Variants in GRK4 observed in about 807,000 individuals in gnomAD.
GRK4 encodes G protein-coupled receptor kinase 2-like.
GRK4 carries 73 observed loss-of-function variants against 77.9 expected under a neutral mutation model. The ratio of observed to expected loss-of-function variants is 0.94; its 90% CI spans 0.78 to 1.14. The LOEUF (loss-of-function observed/expected upper bound fraction) is 1.14. Ranked by LOEUF, GRK4 falls within the 50% of genes most tolerant of loss-of-function variation. GRK4 has a pLI of 0.00. For synonymous variants in GRK4, 257 were observed against 254.4 expected (o/e 1.01, Z -0.10); for missense variants, 729 against 700.2 (o/e 1.04, Z -0.46).
chr4:3,035,020 G>C (rs1334196937), intron 12 of GRK4, among the ~76,000 whole-genome samples: 2 of 152,118 alleles, frequency 1.3e-5, no homozygotes, highest in African/African-American at 4.8e-5. Flanking sequence ...CACTTTGGGA[G>C]GTCGAGGCGG....
chr4:3,031,371 C>G (rs534970963), intron 12 of GRK4, among the ~76,000 whole-genome samples: 3 of 152,286 alleles, frequency 2.0e-5, no homozygotes, highest in South Asian at 4.1e-4. Flanking sequence ...CAGGGGTTTC[C>G]TCAACAGCAT....
At chr4:3,034,500 A>AGGTCTAGGTCACGTTTCAGG (rs1275690074) in intron 12 of GRK4, among the ~76,000 whole-genome samples, 3 of 152,190 alleles carry the variant, frequency 2.0e-5, no homozygotes, top group African/African-American at 2.4e-5. Flanking sequence ...TCCCAAGCCC[A>AGGTCTAGGTCACGTTTCAGG]GGTCTAGGTC....
At chr4:3,021,021 G>A (rs1735934059) in intron 9 of GRK4, among the ~76,000 whole-genome samples, 1 of 152,108 alleles carries the variant, frequency 6.6e-6, no homozygotes, top group Non-Finnish European at 1.5e-5. Flanking sequence ...TCAGGGACTT[G>A]AGGACCCTTG....
At chr4:3,037,284 T>C (rs1740996630) in intron 13 of GRK4, 90 bp from the exon 14 acceptor site, 2 of 1,302,820 alleles carry the variant, frequency 1.5e-6, no homozygotes, top group South Asian at 1.5e-5. Flanking sequence ...TGTTTATGCG[T>C]CAGTTTGCTG....
chr4:3,034,817 A>T (rs1740128711), intron 12 of GRK4, among the ~76,000 whole-genome samples: 1 of 152,070 alleles, frequency 6.6e-6, no homozygotes, highest in African/African-American at 2.4e-5. Flanking sequence ...TTTATGATTA[A>T]TTTTTTTAAC....
intron 10 of GRK4, among the ~76,000 whole-genome samples, chr4:3,027,660 G>T (rs1737941818): frequency 6.6e-6 from 1 of 152,146 alleles, no homozygotes. Context: ...TCAAGTGGTG[G>T]CCTATGATTA....
At chr4:2,992,543 C>G (rs551500044) in intron 4 of GRK4, among the ~76,000 whole-genome samples, 1 of 151,956 alleles carries the variant, frequency 6.6e-6, no homozygotes, top group Non-Finnish European at 1.5e-5. Context: ...ACTAGCTGGA[C>G]ATGGTGGTGT....
At chr4:3,004,586 G>T (rs941030692) in intron 5 of GRK4, among the ~76,000 whole-genome samples, 1 of 152,114 alleles carries the variant, frequency 6.6e-6, no homozygotes, top group Non-Finnish European at 1.5e-5. Context: ...AACATAAACA[G>T]CAGATGAACA....
At chr4:2,984,461 A>G in intron 1 of GRK4, 52 bp from the exon 2 acceptor site, 1 of 988,898 alleles carries the variant, frequency 1.0e-6, no homozygotes, top group Non-Finnish European at 1.6e-6. Context: ...AGTTGTTATA[A>G]TTGGATATTT....
chr4:3,027,712 C>A (rs995161189), intron 10 of GRK4, among the ~76,000 whole-genome samples, 200 bp from the exon 11 acceptor site: 3 of 152,166 alleles, frequency 2.0e-5, no homozygotes, highest in Non-Finnish European at 4.4e-5. Context: ...TCGAATTTTC[C>A]TGCTGCTAGT....
In GRK4 at chr4:2,987,974, G is replaced by A. The variant is rs938031748; in HGVS notation, c.149-753G>A. Among the ~76,000 whole-genome samples, 6 of 150,716 alleles carry A rather than the reference G, an allele frequency of 4.0e-5. No homozygotes were observed. In the East Asian group the frequency reaches 1.2e-3, roughly 29 times the overall value. On this transcript the variant is annotated intron_variant, in intron 2 of 15. Coordinates refer to ENST00000398052, the MANE Select transcript of GRK4 (RefSeq NM_182982.3). ...GCCTATAATCCAAGGTACTCAGGAG[G>A]CTGAGGCATGAGAATTGCTTGAACC...
At chr4:3,027,711 C>G (rs912960596) in intron 10 of GRK4, among the ~76,000 whole-genome samples, 4 of 152,164 alleles carry the variant, frequency 2.6e-5, no homozygotes, top group African/African-American at 9.7e-5. Context: ...ATCGAATTTT[C>G]CTGCTGCTAG....
At chr4:3,014,036 G>A (rs2109922027) in intron 8 of GRK4, among the ~76,000 whole-genome samples, 1 of 152,224 alleles carries the variant, frequency 6.6e-6, no homozygotes. Flanking sequence ...AACATAGAAG[G>A]AGTGATACTG....
chr4:3,006,665 T>G (rs568479797), intron 5 of GRK4, among the ~76,000 whole-genome samples: 1 of 152,186 alleles, frequency 6.6e-6, no homozygotes, highest in African/African-American at 2.4e-5. Context: ...TCCCAGCTAT[T>G]CAGAAGGCTG....
At chr4:2,973,690 T>C (rs1417264019) in intron 1 of GRK4, among the ~76,000 whole-genome samples, 1 of 152,198 alleles carries the variant, frequency 6.6e-6, no homozygotes, top group Non-Finnish European at 1.5e-5. Context: ...GTCACTTGGC[T>C]CAAGCCGTCA....
chr4:3,029,150 A>G, intron 11 of GRK4, 51 bp from the exon 12 acceptor site: 1 of 1,442,032 alleles, frequency 6.9e-7, no homozygotes, highest in Non-Finnish European at 9.7e-7. Context: ...TTATAAGAAA[A>G]TTTAAAATCA....
intron 12 of GRK4, among the ~76,000 whole-genome samples, chr4:3,031,586 C>T (rs1739198900): frequency 6.6e-6 from 1 of 152,196 alleles, no homozygotes; most frequent in Admixed American, 6.5e-5. Context: ...ACGCTGGCTC[C>T]AGTGGACGAG....
At chr4:2,994,865 A>C (rs1272785370) in intron 4 of GRK4, among the ~76,000 whole-genome samples, 1 of 152,090 alleles carries the variant, frequency 6.6e-6, no homozygotes, top group African/African-American at 2.4e-5. Flanking sequence ...TGTTGTACAG[A>C]TTATTTCATC....
At chr4:3,009,576 G>T in intron 6 of GRK4, 72 bp from the exon 7 acceptor site, 2 of 1,135,036 alleles carry the variant, frequency 1.8e-6, no homozygotes, top group Non-Finnish European at 2.7e-6. Context: ...GAAGACAAGC[G>T]CTGAGTAAAC....
Sources: gnomAD v4.1 joint callset for allele counts (sites outside exome capture counted in the v4.1 genomes callset) on GRCh38, gnomAD v4.1.1 for gene constraint, MANE v1.5 for transcripts, NCBI Gene and HGNC (gene_info 2026-07-23, HGNC 2026-07-21) for gene names.